KIAA0586: variants seen among roughly 807,000 people sequenced by gnomAD.
KIAA0586 encodes protein TALPID3.
Under a neutral mutation model 169.8 loss-of-function variants are expected in KIAA0586, and 144 were observed. The ratio of observed to expected loss-of-function variants is 0.85; its 90% CI spans 0.74 to 0.97. The LOEUF is 0.97. Among genes scored for constraint, KIAA0586 ranks in the 50% least tolerant of loss-of-function variants. KIAA0586 has a pLI of 0.00. For synonymous variants in KIAA0586, 625 were observed against 612.4 expected, an observed-to-expected ratio of 1.02 and a Z score of -0.30; for missense variants, 1,854 against 1,823.0, an observed-to-expected ratio of 1.02 and a Z score of -0.31.
chr14:58,520,484 A>T (rs555755501), intron 29 of KIAA0586, among the ~76,000 whole-genome samples: 1 of 150,976 alleles, frequency 6.6e-6, no homozygotes, highest in Admixed American at 6.6e-5. Context: ...CACTTAACAT[A>T]ATGTTTTCTT....
rs74058009 is a variant in KIAA0586 at position 58,543,808 on chromosome 14, C to T, written c.4495+3672C>T. The T allele has an allele frequency of 6.1e-3, 2,558 of 417,696 alleles. 59 individuals carry two copies. The highest frequency in any genetic ancestry group is 0.049 in the African/African-American group (2,347 of 47,728). The allele number at this position is 417,696 out of a possible 1,614,324, so 25.9% of individuals were successfully genotyped here. A position where few individuals can be genotyped will look rare whatever the true frequency, so the allele number is the denominator to read the frequency against. On this transcript the variant is annotated intron_variant, in intron 30 of 30. Coordinates refer to ENST00000652326, the MANE Select transcript of KIAA0586 (RefSeq NM_001329943.3). ...CTTCTATGGACTATTTTTATAGATC[C>T]GTCTCCCGTCTCTCTATTTTCCACA...
intron 10 of KIAA0586, 141 bp downstream of exon 10, chr14:58,456,951 T>C (rs1015611107): frequency 1.8e-5 from 11 of 605,838 alleles, no homozygotes; most frequent in Non-Finnish European, 3.2e-5. Context: ...CTGTTCCATT[T>C]ATAAAGTATT....
Position 58,448,315 on chromosome 14 carries a change from A to T in KIAA0586, c.808-25A>T, listed in dbSNP as rs754141644. The stretch of plus-strand genomic sequence containing the variant: ...ACTCTTTCAAATGATATTTGAAAAT[A>T]ATAAAATAATCTTATTTCTTCTAGA... On this transcript the variant is annotated intron_variant, in intron 6 of 30. Coordinates refer to ENST00000652326, the MANE Select transcript of KIAA0586 (RefSeq NM_001329943.3). The T allele has an allele frequency of 7.1e-6, 10 of 1,405,426 alleles. No homozygotes were observed. The Admixed American group carries it at 1.9e-4, about 27-fold the overall frequency. The allele number at this position is 1,405,426 out of a possible 1,614,324, so 87.1% of individuals were successfully genotyped here.
chr14:58,526,461 A>G (rs777193175), intron 29 of KIAA0586, among the ~76,000 whole-genome samples: 2 of 152,236 alleles, frequency 1.3e-5, no homozygotes, highest in African/African-American at 2.4e-5. Context: ...GACCTGCAGC[A>G]GAGGGGCGTG....
At chr14:58,482,332 A>T (rs2042089581) in intron 20 of KIAA0586, among the ~76,000 whole-genome samples, 181 bp from the exon 21 acceptor site, 1 of 152,002 alleles carries the variant, frequency 6.6e-6, no homozygotes, top group South Asian at 2.1e-4. Flanking sequence ...AGGCTAAGGC[A>T]GGAGAATCGC....
Position 58,487,026 on chromosome 14 carries a change from T to C in KIAA0586, c.3164T>C (p.Leu1055Pro), listed in dbSNP as rs1453619075. ...TYLPARVCTP[L>P]PTPQPTPPCS... is the part of the protein sequence containing the mutation. ...TTTTAGGCAAGAGTGTGCACCCCAC[T>C]GCCTACCCCACAGCCTACGCCTCCT... Residue 1055 changes from leucine to proline, a missense_variant, in exon 22 of 31, where the codon CTG (leucine) becomes CCG (proline). Leu to Pro is a moderately conservative substitution (Grantham distance 98). Coordinates refer to ENST00000652326, the MANE Select transcript of KIAA0586 (RefSeq NM_001329943.3). The C allele has an allele frequency of 6.2e-7, 1 of 1,610,534 alleles. No homozygotes were observed. Among genetic ancestry groups the C allele is most frequent in the South Asian group, 1.1e-5 (1 of 90,236 alleles).
In KIAA0586 at chr14:58,482,645, C is replaced by T. The variant is rs1566872716; in HGVS notation, c.3077C>T (p.Ala1026Val). 6.2e-7 allele frequency: 1 copy of T among 1,608,676 alleles called. No homozygotes were observed. The highest frequency in any genetic ancestry group is 8.5e-7 in the Non-Finnish European group (1 of 1,177,262). ...GCTGTCATGCTGGGTGACAGAGAAGCAAAGAAGCAAGGTCCTGTTGCTACA... is the reference window on the plus strand; with the variant it reads ...GCTGTCATGCTGGGTGACAGAGAAGTAAAGAAGCAAGGTCCTGTTGCTACA... ...TIAVMLGDRE[A>V]KKQGPVATGV... The change falls in exon 21 of 31, where the codon GCA becomes GTA. Residue 1026 changes from alanine to valine, a missense_variant. Coordinates refer to ENST00000652326, the MANE Select transcript of KIAA0586 (RefSeq NM_001329943.3).
At chr14:58,505,215 C>G (rs2043854113) in intron 27 of KIAA0586, among the ~76,000 whole-genome samples, 1 of 152,138 alleles carries the variant, frequency 6.6e-6, no homozygotes, top group African/African-American at 2.4e-5. Flanking sequence ...AAGATCATAT[C>G]TTGCACACTT....
chr14:58,448,840 A>G (rs2039122617), intron 7 of KIAA0586, among the ~76,000 whole-genome samples: 2 of 152,154 alleles, frequency 1.3e-5, no homozygotes, highest in South Asian at 4.1e-4. Context: ...ATTTACTACA[A>G]AAATGCTTGT....
intron 23 of KIAA0586, 72 bp from the exon 24 acceptor site, chr14:58,488,549 T>G (rs2042625520): frequency 6.5e-7 from 1 of 1,528,546 alleles, no homozygotes; most frequent in Non-Finnish European, 8.9e-7. Flanking sequence ...TCTTCGAGTC[T>G]GTTTTTTATA....
chr14:58,471,811 G>A lies in KIAA0586; in HGVS notation c.2554-388G>A, dbSNP rs1350151241. Among the ~76,000 whole-genome samples the A allele has an allele frequency of 3.3e-5, 5 of 151,574 alleles. No homozygotes were observed. The East Asian group carries it at 7.7e-4, about 23-fold the overall frequency. ...AAATGACTATTTTGTTTTTTTTCCT[G>A]AATTATTTGATTCTGTATCCATCTT... On this transcript the variant is annotated intron_variant, in intron 17 of 30. Transcript: ENST00000652326.
intron 9 of KIAA0586, 125 bp from the exon 10 acceptor site, chr14:58,456,577 A>G (rs1029199639): frequency 5.3e-6 from 3 of 565,242 alleles, no homozygotes; most frequent in African/African-American, 3.7e-5. Flanking sequence ...TTAATAGGAT[A>G]CCATTTAGTA....
intron 30 of KIAA0586, among the ~76,000 whole-genome samples, chr14:58,547,415 AC>A (rs1278922881): frequency 6.6e-6 from 1 of 152,160 alleles, no homozygotes; most frequent in African/African-American, 2.4e-5. Flanking sequence ...GGGAAACTGA[AC>A]TTTTGAGTGG....
chr14:58,512,855 G>A (rs573173587), intron 29 of KIAA0586, among the ~76,000 whole-genome samples: 2 of 151,948 alleles, frequency 1.3e-5, no homozygotes, highest in African/African-American at 4.8e-5. Flanking sequence ...ACTCTTAGCT[G>A]GTGTCTTTCC....
At chr14:58,429,492 G>A in intron 2 of KIAA0586, 59 bp downstream of exon 2, 1 of 924,196 alleles carries the variant, frequency 1.1e-6, no homozygotes, top group Non-Finnish European at 1.8e-6. Flanking sequence ...GTCAAATAAT[G>A]CATTCTTAAA....
intron 4 of KIAA0586, among the ~76,000 whole-genome samples, chr14:58,436,798 G>C (rs1170909961): frequency 6.6e-6 from 1 of 152,142 alleles, no homozygotes; most frequent in Non-Finnish European, 1.5e-5. Flanking sequence ...GGATGATGGA[G>C]AACTTGCCTT....
chr14:58,465,910 A>G lies in KIAA0586; in HGVS notation c.2135A>G (p.Lys712Arg). 6.2e-7 allele frequency: 1 copy of G among 1,613,068 alleles called. No individual in the cohort carries two copies. Among genetic ancestry groups the G allele is most frequent in the Non-Finnish European group, 8.5e-7 (1 of 1,179,224 alleles). Reference sequence around the variant, plus strand: ...CCTAAGAAGATGGATTCTAAAATGAAACATTCTGTTCCTGTGTTACCTCAT... The same window carrying G: ...CCTAAGAAGATGGATTCTAAAATGAGACATTCTGTTCCTGTGTTACCTCAT... ...TKPKKMDSKM[K>R]HSVPVLPHGD... Residue 712 changes from lysine (K) to arginine (R), a missense_variant, in exon 15 of 31, where the codon AAA becomes AGA. By Grantham distance (26) the Lys-to-Arg change is conservative (BLOSUM62 2). Coordinates refer to ENST00000652326, the MANE Select transcript of KIAA0586 (RefSeq NM_001329943.3).
chr14:58,505,278 G>A lies in KIAA0586; in HGVS notation c.4169-3277G>A, dbSNP rs144382734. Among the ~76,000 whole-genome samples, 111 of 152,148 alleles carry A rather than the reference G, an allele frequency of 7.3e-4. 1 individual carries two copies. The East Asian group carries it at 8.9e-3, about 12-fold the overall frequency. On this transcript the variant is annotated intron_variant, in intron 27 of 30. Coordinates refer to ENST00000652326, the MANE Select transcript of KIAA0586 (RefSeq NM_001329943.3). ...ACCCTTAGATTATTCCAGGTCAACCGGTATTACTTAAATTTATTCATTTTA... is the reference window on the plus strand; with the variant it reads ...ACCCTTAGATTATTCCAGGTCAACCAGTATTACTTAAATTTATTCATTTTA...
At position 58,458,035 on chromosome 14, in the gene KIAA0586, C is replaced by T. The variant is rs2040022860; in HGVS notation, c.1583+56C>T. ...ATGAGTCTGTCAGTTCCACTTTCTT[C>T]ATAATTTTTTTCTAAGCACTGTATT... On this transcript the variant is annotated intron_variant, in intron 11 of 30. Transcript: ENST00000652326. The T allele has an allele frequency of 9.2e-6, 11 of 1,193,666 alleles. No homozygotes were observed. The South Asian group carries it at 1.6e-4, about 17-fold the overall frequency. 73.9% of individuals were successfully genotyped at this position (1,193,666 alleles called of 1,614,324 possible).
Sources: gnomAD v4.1 joint callset for allele counts (sites outside exome capture counted in the v4.1 genomes callset) on GRCh38, gnomAD v4.1.1 for gene constraint, MANE v1.5 for transcripts, NCBI Gene and HGNC (gene_info 2026-07-23, HGNC 2026-07-21) for gene names.